Variants in AASS observed in about 807,000 individuals in gnomAD.
The protein encoded by AASS is alpha-aminoadipic semialdehyde synthase, mitochondrial.
In AASS, 86 loss-of-function variants were observed where a neutral mutation model predicts 105.4. That is an observed-to-expected ratio of 0.82 (90% CI 0.69 to 0.98). The LOEUF (loss-of-function observed/expected upper bound fraction) is 0.98. Ranked by LOEUF, AASS falls within the 50% of genes least tolerant of loss-of-function variation. The pLI is 0.00. For missense variants in AASS, 1,048 were observed against 1,143.2 expected, an observed-to-expected ratio of 0.92 and a Z score of 1.20; for synonymous variants, 381 against 394.8, an observed-to-expected ratio of 0.96 and a Z score of 0.41.
intron 19 of AASS, among the ~76,000 whole-genome samples, chr7:122,084,653 G>A (rs532738102): frequency 5.9e-5 from 9 of 152,008 alleles, no homozygotes; most frequent in Non-Finnish European, 8.8e-5. Flanking sequence ...AATAAAGCCC[G>A]AAGGAGGATG....
At chr7:122,130,814 T>C in intron 2 of AASS, among the ~76,000 whole-genome samples, 1 of 151,970 alleles carries the variant, frequency 6.6e-6, no homozygotes, top group East Asian at 1.9e-4. Flanking sequence ...TTGTAGTAGA[T>C]TGGTAAATAA....
intron 18 of AASS, among the ~76,000 whole-genome samples, chr7:122,086,508 AG>A (rs1793632968): frequency 1.3e-5 from 2 of 151,626 alleles, no homozygotes; most frequent in South Asian, 4.1e-4. Flanking sequence ...ATAAACATTT[AG>A]AAAAAAAATT....
chr7:122,113,085 C>T, intron 11 of AASS, 33 bp downstream of exon 11: 1 of 1,529,066 alleles, frequency 6.5e-7, no homozygotes, highest in Non-Finnish European at 9.1e-7. Context: ...TTTAAAGCCA[C>T]AGAGTTGTTA....
Position 122,141,631 on chromosome 7 carries a change from TAA to T in AASS, c.-16+2528_-16+2529del, listed in dbSNP as rs961998574. 1.5e-4 allele frequency among the ~76,000 whole-genome samples: 14 copies of T among 92,892 alleles called. No homozygotes were observed. The Admixed American group carries it at 1.6e-3, about 10-fold the overall frequency. The allele number at this position is 92,892 out of a possible 152,430, so 60.9% of individuals were successfully genotyped here. On this transcript the variant is annotated intron_variant, in intron 1 of 23. Coordinates refer to ENST00000417368, the MANE Select transcript of AASS (RefSeq NM_005763.4). Reference sequence around the variant, plus strand: ...CAAACAGATAAAATAGACACATTAATAAGAGACTCACATCCCCCTAACCCTGC... The same window carrying T: ...CAAACAGATAAAATAGACACATTAATGAGACTCACATCCCCCTAACCCTGC...
intron 15 of AASS, among the ~76,000 whole-genome samples, chr7:122,096,536 G>A (rs1372931579): frequency 2.6e-5 from 4 of 152,010 alleles, no homozygotes; most frequent in East Asian, 3.9e-4. Flanking sequence ...GTTGAGGTGG[G>A]AGGATCACTT....
intron 1 of AASS, among the ~76,000 whole-genome samples, chr7:122,135,777 T>C (rs1187170295): frequency 2.0e-5 from 3 of 152,126 alleles, no homozygotes; most frequent in African/African-American, 7.2e-5. Context: ...AAGCGTAGAA[T>C]ACGGTGGAAA....
intron 15 of AASS, among the ~76,000 whole-genome samples, chr7:122,097,894 G>A (rs1192406427): frequency 6.6e-6 from 1 of 151,974 alleles, no homozygotes; most frequent in Non-Finnish European, 1.5e-5. Context: ...ATACCGAAAT[G>A]TGTATAGCAG....
chr7:122,086,292 T>C, intron 18 of AASS, 113 bp from the exon 19 acceptor site: 1 of 1,040,344 alleles, frequency 9.6e-7, no homozygotes, highest in Non-Finnish European at 1.4e-6. Context: ...AAAATAAAAA[T>C]AATGAAACCA....
intron 18 of AASS, 32 bp from the exon 19 acceptor site, chr7:122,086,211 T>C: frequency 6.2e-7 from 1 of 1,610,580 alleles, no homozygotes; most frequent in South Asian, 1.1e-5. Flanking sequence ...CACATGGGGT[T>C]ACAGCTGTTC....
At chr7:122,132,185 TAAG>T (rs1795947724) in intron 2 of AASS, among the ~76,000 whole-genome samples, 1 of 152,210 alleles carries the variant, frequency 6.6e-6, no homozygotes, top group South Asian at 2.1e-4. Context: ...AATGCAATGA[TAAG>T]AAAGTTTTTT....
chr7:122,137,806 A>C (rs1796219928), intron 1 of AASS, among the ~76,000 whole-genome samples: 1 of 152,158 alleles, frequency 6.6e-6, no homozygotes, highest in Admixed American at 6.5e-5. Context: ...TCAGGAAGTA[A>C]ATTCAATGTA....
Position 122,092,895 on chromosome 7 carries a change from T to C in AASS, c.1823A>G (p.Asp608Gly). ...TATTGTTTCCATTGCTAACATGTGA[T>C]CCAGACCAGGGTCCAATCCCAATTC... ...IGELGLDPGLDHMLAMETIDK... is the reference protein window; with the variant it reads ...IGELGLDPGLGHMLAMETIDK... Residue 608 changes from aspartate (D) to glycine (G), a missense_variant, in exon 17 of 24, where the codon GAT (aspartate) becomes GGT (glycine). By Grantham distance (94) the Asp-to-Gly change is moderately conservative. Coordinates refer to ENST00000417368, the MANE Select transcript of AASS (RefSeq NM_005763.4). The C allele has an allele frequency of 6.2e-7, 1 of 1,613,916 alleles. No homozygotes were observed. Among genetic ancestry groups the C allele is most frequent in the Non-Finnish European group, 8.5e-7 (1 of 1,179,900 alleles).
chr7:122,124,327 G>A (rs961119453), intron 4 of AASS, among the ~76,000 whole-genome samples: 1 of 152,250 alleles, frequency 6.6e-6, no homozygotes, highest in Middle Eastern at 3.4e-3. Context: ...CTGTCTCCCA[G>A]GCTGGAGTGC....
At chr7:122,091,638 G>A (rs1793903170) in intron 18 of AASS, 65 bp downstream of exon 18, 3 of 1,610,880 alleles carry the variant, frequency 1.9e-6, no homozygotes, top group Non-Finnish European at 2.5e-6. Context: ...GGATCAGGGA[G>A]TATTTAGACT....
Position 122,126,419 on chromosome 7 carries a change from C to T in AASS, c.428G>A (p.Arg143Lys). The T allele has an allele frequency of 1.2e-6, 2 of 1,613,998 alleles. No homozygotes were observed. The highest frequency in any genetic ancestry group is 1.7e-6 in the Non-Finnish European group (2 of 1,179,926). Residue 143 changes from arginine to lysine, a missense_variant, in exon 4 of 24, where the codon AGA (arginine) becomes AAA (lysine). Physicochemically the swap from Arg to Lys is conservative, Grantham distance 26. Transcript: ENST00000417368. Reference protein sequence around the residue: ...LIDYEKMVDHRGVRVVAFGQW... With the variant: ...LIDYEKMVDHKGVRVVAFGQW... ...TCCAAATGCCACTACCCGTACTCCT[C>T]TATGATCCACCATTTTCTCATAATC...
In AASS at chr7:122,096,492, G is replaced by A. The variant is rs1794160070; in HGVS notation, c.1655+1958C>T. On this transcript the variant is annotated intron_variant, in intron 15 of 23. Coordinates refer to ENST00000417368, the MANE Select transcript of AASS (RefSeq NM_005763.4). Reference sequence around the variant, plus strand: ...AAAATACAAACTTTAGCTAGGCATAGTGGCAAGTGCCTGTAGTCCCAGCTA... The same window carrying A: ...AAAATACAAACTTTAGCTAGGCATAATGGCAAGTGCCTGTAGTCCCAGCTA... Among the ~76,000 whole-genome samples the A allele has an allele frequency of 2.0e-5, 3 of 152,178 alleles. No individual in the cohort carries two copies. In the South Asian group the frequency reaches 6.2e-4, roughly 32 times the overall value.
Position 122,073,899 on chromosome 7 carries a change from A to AT in AASS, c.*2589dup. Among the ~76,000 whole-genome samples the AT allele has an allele frequency of 6.6e-6, 1 of 152,258 alleles. No homozygotes were observed. The highest frequency in any genetic ancestry group is 1.9e-4 in the East Asian group (1 of 5,186). ...TCAAGGTTTTTCCATGTTGTGGTGCATATCAGTACTTCATCTCTTTTTTTA... is the reference window on the plus strand; with the variant it reads ...TCAAGGTTTTTCCATGTTGTGGTGCATTATCAGTACTTCATCTCTTTTTTTA... On this transcript the variant is annotated 3_prime_UTR_variant, in exon 24 of 24. Transcript: ENST00000417368.
intron 22 of AASS, among the ~76,000 whole-genome samples, chr7:122,078,379 T>A (rs184982255): frequency 6.6e-6 from 1 of 151,726 alleles, no homozygotes; most frequent in East Asian, 1.9e-4. Flanking sequence ...TTTGGGAGGC[T>A]AAGGTGGGCG....
intron 6 of AASS, among the ~76,000 whole-genome samples, chr7:122,117,899 G>A (rs527746397): frequency 8.9e-4 from 136 of 152,012 alleles, no homozygotes; most frequent in Non-Finnish European, 7.9e-4. Flanking sequence ...CAGGTGATCC[G>A]CCTGCCTCGG....
Sources: gnomAD v4.1 joint callset for allele counts (sites outside exome capture counted in the v4.1 genomes callset) on GRCh38, gnomAD v4.1.1 for gene constraint, MANE v1.5 for transcripts, NCBI Gene and HGNC (gene_info 2026-07-23, HGNC 2026-07-21) for gene names.